Variants in RBFOX1 observed in about 807,000 individuals in gnomAD.
The protein encoded by RBFOX1 is RNA binding fox-1 homolog 1, also known as RNA binding protein fox-1 homolog 1.
In RBFOX1, 8 loss-of-function variants were observed where a neutral mutation model predicts 57.7. That is an observed-to-expected ratio of 0.14 (90% CI 0.08 to 0.25). The LOEUF is 0.25. Ranked by LOEUF, RBFOX1 falls within the 10% of genes least tolerant of loss-of-function variation. The probability of loss-of-function intolerance (pLI) is 1.00; values close to 1 mark genes in which losing one functional copy is unlikely to be tolerated. For missense variants in RBFOX1, 611 were observed against 548.5 expected, an observed-to-expected ratio of 1.11 and a Z score of -1.14; for synonymous variants, 326 against 222.4, an observed-to-expected ratio of 1.47 and a Z score of -4.15.
intron 2 of RBFOX1, among the ~76,000 whole-genome samples, chr16:6,358,341 C>T (rs1442910771): frequency 2.6e-5 from 4 of 152,162 alleles, no homozygotes; most frequent in African/African-American, 4.8e-5. Flanking sequence ...TAAGTGGTAA[C>T]ATTTCACATT....
At chr16:7,340,731 C>T (rs2096875647) in intron 4 of RBFOX1, among the ~76,000 whole-genome samples, 1 of 152,128 alleles carries the variant, frequency 6.6e-6, no homozygotes, top group African/African-American at 2.4e-5. Context: ...CGTAGACCTC[C>T]CATCATTCCA....
At chr16:6,543,567 G>A (rs1031123503) in intron 2 of RBFOX1, among the ~76,000 whole-genome samples, 1 of 152,094 alleles carries the variant, frequency 6.6e-6, no homozygotes, top group Non-Finnish European at 1.5e-5. Context: ...CTCCAAGAAG[G>A]CCTTTACTGC....
intron 2 of RBFOX1, among the ~76,000 whole-genome samples, chr16:5,479,856 A>G (rs983459062): frequency 7.9e-5 from 12 of 151,968 alleles, no homozygotes; most frequent in African/African-American, 1.9e-4. Context: ...TTAAGCTCCA[A>G]TTTGCTTCCT....
intron 4 of RBFOX1, among the ~76,000 whole-genome samples, chr16:7,433,603 G>T (rs562873179): frequency 5.9e-5 from 9 of 152,228 alleles, no homozygotes; most frequent in Non-Finnish European, 1.0e-4. Context: ...GAAGCACACT[G>T]ACTTCACGTG....
At chr16:6,532,459 C>T (rs1195176633) in intron 2 of RBFOX1, among the ~76,000 whole-genome samples, 1 of 152,158 alleles carries the variant, frequency 6.6e-6, no homozygotes, top group Admixed American at 6.5e-5. Context: ...GTATGGAGGA[C>T]CCTCCAGTTA....
In RBFOX1 at chr16:7,708,904, C is replaced by T. The variant is rs189130659; in HGVS notation, c.996-152C>T. 7.2e-5 allele frequency: 47 copies of T among 656,950 alleles called. No homozygotes were observed. The African/African-American group carries it at 8.4e-4, about 12-fold the overall frequency. 40.7% of individuals were successfully genotyped at this position (656,950 alleles called of 1,614,324 possible). The stretch of plus-strand genomic sequence containing the variant: ...AAAAAATGTATCATGTACAGATGAA[C>T]TCTTCTTATACTACACAGCAGAGTA... On this transcript the variant is annotated intron_variant, in intron 14 of 15. Coordinates refer to ENST00000550418, the MANE Select transcript of RBFOX1 (RefSeq NM_018723.4).
intron 4 of RBFOX1, among the ~76,000 whole-genome samples, chr16:7,181,480 G>C (rs2082690398): frequency 6.6e-6 from 1 of 151,792 alleles, no homozygotes; most frequent in African/African-American, 2.4e-5. Context: ...ACCTAAAAGA[G>C]AATTAACTAA....
chr16:5,498,261 G>C (rs114504713), intron 2 of RBFOX1, among the ~76,000 whole-genome samples: 2,662 of 152,242 alleles, frequency 0.017, 85 homozygotes, highest in African/African-American at 0.06. Context: ...TCCTGCTTCA[G>C]CTTCTCAACG....
chr16:6,283,014 G>A (rs1360325762), intron 1 of RBFOX1, among the ~76,000 whole-genome samples: 1 of 152,278 alleles, frequency 6.6e-6, no homozygotes, highest in South Asian at 2.1e-4. Context: ...GTCTAGATGT[G>A]CTCCTACATC....
chr16:7,085,523 GC>G (rs1321514437), intron 4 of RBFOX1, among the ~76,000 whole-genome samples: 1 of 152,108 alleles, frequency 6.6e-6, no homozygotes, highest in Non-Finnish European at 1.5e-5. Context: ...CATCCCGGGT[GC>G]CTCCACAGAG....
chr16:5,999,443 G>T (rs1183765068), intron 4 of RBFOX1, among the ~76,000 whole-genome samples: 1 of 152,134 alleles, frequency 6.6e-6, no homozygotes, highest in Non-Finnish European at 1.5e-5. Context: ...AGGATCATTT[G>T]ATTCATTTTT....
intron 1 of RBFOX1, among the ~76,000 whole-genome samples, chr16:5,422,338 TGGA>T (rs2067357485): frequency 9.7e-6 from 1 of 102,954 alleles, no homozygotes; most frequent in Non-Finnish European, 1.9e-5. Flanking sequence ...GAGGAGAACG[TGGA>T]GGAGGAGGGA....
At chr16:6,881,156 C>G (rs868684494) in intron 3 of RBFOX1, among the ~76,000 whole-genome samples, 3 of 152,146 alleles carry the variant, frequency 2.0e-5, no homozygotes, top group Admixed American at 6.5e-5. Context: ...ATGATCAGAG[C>G]TGGCACACAA....
intron 4 of RBFOX1, among the ~76,000 whole-genome samples, chr16:7,246,532 C>A (rs1013978384): frequency 1.3e-5 from 2 of 152,054 alleles, no homozygotes; most frequent in South Asian, 4.2e-4. Context: ...TGTACCAAAC[C>A]ATGGTGGCAT....
At chr16:7,710,587 T>C in intron 15 of RBFOX1, 36 bp from the exon 16 acceptor site, 2 of 1,608,732 alleles carry the variant, frequency 1.2e-6, no homozygotes, top group Non-Finnish European at 8.5e-7. Flanking sequence ...AAAAGGAAAA[T>C]GTAAAAAACA....
chr16:6,217,176 T>TTTC (rs2097341220), intron 1 of RBFOX1, among the ~76,000 whole-genome samples: 1 of 148,138 alleles, frequency 6.8e-6, no homozygotes, highest in South Asian at 2.1e-4. Context: ...AGGGGATTCT[T>TTTC]TTTTTTTTTT....
chr16:5,387,205 G>C (rs780240208), intron 1 of RBFOX1, among the ~76,000 whole-genome samples: 1 of 152,160 alleles, frequency 6.6e-6, no homozygotes, highest in Non-Finnish European at 1.5e-5. Flanking sequence ...GCCCTTAACA[G>C]GCTCTTGGTA....
intron 4 of RBFOX1, among the ~76,000 whole-genome samples, chr16:7,362,211 T>C (rs868088817): frequency 1.2e-4 from 18 of 150,338 alleles, no homozygotes; most frequent in African/African-American, 4.4e-4. Context: ...TTGTGTTTGT[T>C]TTTTATGTGT....
intron 1 of RBFOX1, among the ~76,000 whole-genome samples, chr16:6,129,301 G>A (rs1221497355): frequency 6.6e-6 from 1 of 151,884 alleles, no homozygotes; most frequent in Non-Finnish European, 1.5e-5. Context: ...AATAAACAAG[G>A]GATCCCAGGA....
Sources: allele counts gnomAD v4.1 joint callset (sites outside exome capture counted in the v4.1 genomes callset), GRCh38; gene constraint gnomAD v4.1.1; transcripts MANE v1.5; gene names NCBI Gene and HGNC (gene_info 2026-07-23, HGNC 2026-07-21).